Variants in MAGI2 observed in about 807,000 individuals in gnomAD.
The protein encoded by MAGI2 is membrane-associated guanylate kinase, WW and PDZ domain-containing protein 2.
MAGI2 carries 35 observed loss-of-function variants against 133.3 expected under a neutral mutation model. That is an observed-to-expected ratio of 0.26 (90% CI 0.20 to 0.35). The LOEUF (loss-of-function observed/expected upper bound fraction) is 0.35, where lower values mean the gene tolerates loss of function less well. Among genes scored for constraint, MAGI2 ranks in the 10% least tolerant of loss-of-function variants. The pLI is 1.00. For missense variants in MAGI2, 1,636 were observed against 1,863.4 expected (o/e 0.88, Z 2.25); for synonymous variants, 729 against 710.6 (o/e 1.03, Z -0.41).
At chr7:78,644,375 A>T (rs1393469029) in intron 2 of MAGI2, among the ~76,000 whole-genome samples, 1 of 152,146 alleles carries the variant, frequency 6.6e-6, no homozygotes, top group Non-Finnish European at 1.5e-5. Flanking sequence ...TTAATTGCAC[A>T]TGAAAAATTT....
chr7:78,665,413 T>C (rs544511096), intron 2 of MAGI2, among the ~76,000 whole-genome samples: 2 of 152,214 alleles, frequency 1.3e-5, no homozygotes, highest in East Asian at 1.9e-4. Context: ...AAATAGAAGG[T>C]AGGCAGTGCA....
intron 14 of MAGI2, among the ~76,000 whole-genome samples, chr7:78,168,603 T>C (rs1220575718): frequency 6.6e-6 from 1 of 152,174 alleles, no homozygotes. Context: ...GGGTAAAGCT[T>C]CTTAAACTCT....
intron 5 of MAGI2, among the ~76,000 whole-genome samples, chr7:78,500,151 T>A (rs533756884): frequency 1.3e-5 from 2 of 152,356 alleles, no homozygotes; most frequent in Middle Eastern, 3.4e-3. Context: ...TACCTGATTA[T>A]GTAGTCCCTT....
At chr7:78,723,228 A>G (rs1383256776) in intron 2 of MAGI2, among the ~76,000 whole-genome samples, 1 of 152,214 alleles carries the variant, frequency 6.6e-6, no homozygotes, top group Non-Finnish European at 1.5e-5. Context: ...TTTGGTCAAT[A>G]TATATGTTTA....
At chr7:78,566,022 T>A (rs773873669) in intron 3 of MAGI2, among the ~76,000 whole-genome samples, 1 of 152,104 alleles carries the variant, frequency 6.6e-6, no homozygotes, top group Non-Finnish European at 1.5e-5. Context: ...AGATAACTAT[T>A]CCAGGAAGCA....
chr7:79,427,380 A>G (rs1038431596), intron 1 of MAGI2, among the ~76,000 whole-genome samples: 1 of 152,148 alleles, frequency 6.6e-6, no homozygotes, highest in African/African-American at 2.4e-5. Flanking sequence ...AGTAAAATTA[A>G]AAAATTAATT....
At chr7:78,167,821 G>T (rs945691204) in intron 15 of MAGI2, 95 bp downstream of exon 15, 62 of 1,120,216 alleles carry the variant, frequency 5.5e-5, no homozygotes, top group Admixed American at 8.7e-5. Context: ...ATGTAGAAAT[G>T]GATTTAAAAT....
At chr7:78,109,173 G>A (rs1364670535) in intron 20 of MAGI2, among the ~76,000 whole-genome samples, 16 of 143,018 alleles carry the variant, frequency 1.1e-4, no homozygotes, top group Non-Finnish European at 1.7e-4. Context: ...GCGTGGTGGC[G>A]GGCGCCTGTA....
chr7:78,667,009 G>A (rs972283874), intron 2 of MAGI2, among the ~76,000 whole-genome samples: 1 of 151,704 alleles, frequency 6.6e-6, no homozygotes, highest in African/African-American at 2.4e-5. Flanking sequence ...TGCAAACATA[G>A]AGAGTTGATC....
chr7:78,234,597 ATG>A (rs1790326240), intron 10 of MAGI2, among the ~76,000 whole-genome samples: 1 of 10,258 alleles, frequency 9.7e-5, no homozygotes, highest in Non-Finnish European at 4.4e-4. Context: ...ATATAATATA[ATG>A]AATATATTTC....
intron 2 of MAGI2, among the ~76,000 whole-genome samples, chr7:78,633,885 T>C (rs185721818): frequency 6.6e-6 from 1 of 152,256 alleles, no homozygotes; most frequent in East Asian, 1.9e-4. Flanking sequence ...AGGTAAATAA[T>C]AGACATAAAA....
chr7:79,167,414 A>C (rs1178535079), intron 1 of MAGI2, among the ~76,000 whole-genome samples: 4 of 149,756 alleles, frequency 2.7e-5, no homozygotes, highest in African/African-American at 7.5e-5. Context: ...AAAAAAAAAA[A>C]AAAACTCCAG....
intron 3 of MAGI2, among the ~76,000 whole-genome samples, chr7:78,589,729 T>C (rs1001197791): frequency 4.6e-5 from 7 of 152,142 alleles, no homozygotes; most frequent in Non-Finnish European, 8.8e-5. Context: ...GTAGAAAGGG[T>C]ACATGTCAAA....
chr7:78,457,834 G>A (rs1015613746), intron 6 of MAGI2, among the ~76,000 whole-genome samples: 1 of 152,138 alleles, frequency 6.6e-6, no homozygotes, highest in Non-Finnish European at 1.5e-5. Flanking sequence ...ATCCACTTCT[G>A]TATCTCCAAA....
At chr7:78,536,663 T>C (rs905301637) in intron 3 of MAGI2, among the ~76,000 whole-genome samples, 13 of 152,194 alleles carry the variant, frequency 8.5e-5, no homozygotes, top group African/African-American at 3.1e-4. Context: ...TTATCTCATT[T>C]GGAAATAAGC....
chr7:79,054,981 C>T (rs145469142), intron 1 of MAGI2, among the ~76,000 whole-genome samples: 2,567 of 152,222 alleles, frequency 0.017, 27 homozygotes, highest in South Asian at 0.065. Context: ...TTAGTAAAGA[C>T]GGGGTTTCAC....
intron 6 of MAGI2, among the ~76,000 whole-genome samples, chr7:78,412,643 T>TG (rs1797968848): frequency 6.6e-6 from 1 of 152,120 alleles, no homozygotes; most frequent in Non-Finnish European, 1.5e-5. Context: ...TTTCTCTCAC[T>TG]GGGTTGAGAG....
At chr7:78,184,244 C>T (rs3807667) in intron 13 of MAGI2, among the ~76,000 whole-genome samples, 41,839 of 152,062 alleles carry the variant, frequency 0.28, 6,374 homozygotes, top group South Asian at 0.36. Flanking sequence ...CATTTTCTCT[C>T]TGGGCATAAG....
In MAGI2 at chr7:78,101,852, A is replaced by G. The variant is rs528700226; in HGVS notation, c.3568-22767T>C. Among the ~76,000 whole-genome samples the G allele has an allele frequency of 1.3e-4, 20 of 152,306 alleles. No individual in the cohort carries two copies. The South Asian group carries it at 4.1e-3, about 32-fold the overall frequency. ...AACTAGCATATGATCCAGTAATCCT[A>G]TTTCTGGATATATATCGGAAGGAAA... On this transcript the variant is annotated intron_variant, in intron 20 of 21. Transcript: ENST00000354212.
Sources: allele counts gnomAD v4.1 joint callset (sites outside exome capture counted in the v4.1 genomes callset), GRCh38; gene constraint gnomAD v4.1.1; transcripts MANE v1.5; gene names NCBI Gene and HGNC (gene_info 2026-07-23, HGNC 2026-07-21).